EPHA3: variants seen among roughly 807,000 people sequenced by gnomAD.
EPHA3 encodes ephrin type-A receptor 3.
Under a neutral mutation model 107.1 loss-of-function variants are expected in EPHA3, and 42 were observed. The ratio of observed to expected loss-of-function variants is 0.39; its 90% confidence interval spans 0.31 to 0.51. The LOEUF is 0.51. Among genes scored for constraint, EPHA3 ranks in the 20% least tolerant of loss-of-function variants. The probability of loss-of-function intolerance (pLI) is 0.78; values close to 1 mark genes in which losing one functional copy is unlikely to be tolerated. For missense variants in EPHA3, 1,183 were observed against 1,211.2 expected (o/e 0.98, Z 0.35); for synonymous variants, 461 against 424.8 (o/e 1.09, Z -1.05).
chr3:89,192,396 A>G (rs1705740820), intron 2 of EPHA3, among the ~76,000 whole-genome samples: 1 of 152,116 alleles, frequency 6.6e-6, no homozygotes, highest in South Asian at 2.1e-4. Flanking sequence ...TCAAAATAGT[A>G]AGGCTAAGAT....
At chr3:89,168,237 A>G (rs1434713066) in intron 2 of EPHA3, among the ~76,000 whole-genome samples, 1 of 152,142 alleles carries the variant, frequency 6.6e-6, no homozygotes, top group Non-Finnish European at 1.5e-5. Context: ...AATTTGAAAT[A>G]ATTAGTGTAC....
At chr3:89,442,564 C>T (rs186767582) in intron 13 of EPHA3, among the ~76,000 whole-genome samples, 22 of 152,178 alleles carry the variant, frequency 1.4e-4, no homozygotes, top group Non-Finnish European at 2.2e-4. Context: ...TATCCTACAA[C>T]GCACAGGACA....
chr3:89,297,827 G>T (rs1052525811), intron 3 of EPHA3, among the ~76,000 whole-genome samples: 1 of 152,094 alleles, frequency 6.6e-6, no homozygotes, highest in Admixed American at 6.5e-5. Flanking sequence ...TTGAGGTCAG[G>T]GGTTTGAGAC....
intron 2 of EPHA3, among the ~76,000 whole-genome samples, chr3:89,167,927 T>C (rs1705113528): frequency 6.6e-6 from 1 of 152,038 alleles, no homozygotes; most frequent in Non-Finnish European, 1.5e-5. Context: ...TACACATATA[T>C]ACACACACAC....
rs116897345 is a variant in EPHA3, at chr3:89,353,585, G to A, written c.1306+11495G>A. On this transcript the variant is annotated intron_variant, in intron 5 of 16. Transcript: ENST00000336596. ...AGCTTCTTCCTGTTTTGAAATCAAGGCAGATACCTGTGCATCTGGGAATGT... is the reference window on the plus strand; with the variant it reads ...AGCTTCTTCCTGTTTTGAAATCAAGACAGATACCTGTGCATCTGGGAATGT... 6.6e-5 allele frequency among the ~76,000 whole-genome samples: 10 copies of A among 151,312 alleles called. No homozygotes were observed. The East Asian group carries it at 1.9e-3, about 29-fold the overall frequency.
At chr3:89,173,256 G>GT (rs2107102183) in intron 2 of EPHA3, among the ~76,000 whole-genome samples, 1 of 152,050 alleles carries the variant, frequency 6.6e-6, no homozygotes, top group South Asian at 2.1e-4. Flanking sequence ...CTTATAGAAT[G>GT]TTTTTTGTCA....
chr3:89,142,977 T>C (rs1490782778), intron 2 of EPHA3, among the ~76,000 whole-genome samples: 1 of 151,360 alleles, frequency 6.6e-6, no homozygotes, highest in African/African-American at 2.4e-5. Context: ...GGAAATCCTC[T>C]TTTAACCTTT....
intron 3 of EPHA3, among the ~76,000 whole-genome samples, chr3:89,328,097 CAAAAAAAGAAA>C (rs1416585126): frequency 6.6e-6 from 1 of 150,726 alleles, no homozygotes; most frequent in East Asian, 1.9e-4. Flanking sequence ...GACTCCATCT[CAAAAAAAGAAA>C]AAAAGAAAAA....
At chr3:89,331,525 TATAA>T (rs1707289870) in intron 3 of EPHA3, among the ~76,000 whole-genome samples, 1 of 152,200 alleles carries the variant, frequency 6.6e-6, no homozygotes, top group South Asian at 2.1e-4. Flanking sequence ...TTGCCAATTT[TATAA>T]ATAGTGTTGC....
At chr3:89,126,786 A>G (rs1241735954) in intron 1 of EPHA3, among the ~76,000 whole-genome samples, 2 of 151,712 alleles carry the variant, frequency 1.3e-5, no homozygotes, top group Admixed American at 1.3e-4. Flanking sequence ...AGATAAATTG[A>G]CTCATTCTGT....
chr3:89,127,984 T>C (rs1387776150), intron 2 of EPHA3, among the ~76,000 whole-genome samples: 5 of 151,948 alleles, frequency 3.3e-5, no homozygotes, highest in East Asian at 1.9e-4. Context: ...TTTCTCAAAC[T>C]CTTTTCCCTA....
chr3:89,190,576 A>G (rs1361843570), intron 2 of EPHA3, among the ~76,000 whole-genome samples: 1 of 152,248 alleles, frequency 6.6e-6, no homozygotes, highest in Non-Finnish European at 1.5e-5. Flanking sequence ...TGTGAAATCA[A>G]CATGTTGACA....
chr3:89,320,665 C>T (rs1707021606), intron 3 of EPHA3, among the ~76,000 whole-genome samples: 1 of 151,728 alleles, frequency 6.6e-6, no homozygotes. Flanking sequence ...TAATTATATG[C>T]CTATTTAGGA....
intron 3 of EPHA3, among the ~76,000 whole-genome samples, chr3:89,215,335 T>C (rs1357590380): frequency 6.6e-6 from 1 of 151,908 alleles, no homozygotes; most frequent in African/African-American, 2.4e-5. Context: ...TAAAAACTTA[T>C]TTTTTAATAT....
At chr3:89,344,007 AAC>A (rs1460035887) in intron 5 of EPHA3, among the ~76,000 whole-genome samples, 3 of 152,192 alleles carry the variant, frequency 2.0e-5, no homozygotes, top group Non-Finnish European at 4.4e-5. Flanking sequence ...ATCTTCAGCT[AAC>A]ACAGGAATTT....
In EPHA3 at chr3:89,136,330, C is replaced by CTTTTTTT. The variant is rs67054298; in HGVS notation, c.153+9075_153+9081dup. Among the ~76,000 whole-genome samples the CTTTTTTT allele has an allele frequency of 1.3e-3, 31 of 23,382 alleles. 6 individuals carry two copies. Among genetic ancestry groups the CTTTTTTT allele is most frequent in the Non-Finnish European group, 1.7e-3 (22 of 12,826 alleles). 15.3% of individuals were successfully genotyped at this position (23,382 alleles called of 152,430 possible). A position where few individuals can be genotyped will look rare whatever the true frequency, so the allele number is the denominator to read the frequency against. On this transcript the variant is annotated intron_variant, in intron 2 of 16. Transcript: ENST00000336596. Reference sequence around the variant, plus strand: ...GAAAAACATGGCAAAATCTTACAGGCTTTTTTTTTTTTTTTTTTTTTTTTG... The same window carrying CTTTTTTT: ...GAAAAACATGGCAAAATCTTACAGGCTTTTTTTTTTTTTTTTTTTTTTTTTTTTTTTG...
At position 89,332,243 on chromosome 3, in the gene EPHA3, C is replaced by T. The variant is rs1385093793; in HGVS notation, c.815-8673C>T. On this transcript the variant is annotated intron_variant, in intron 3 of 16. Coordinates refer to ENST00000336596, the MANE Select transcript of EPHA3 (RefSeq NM_005233.6). ...AAAAAGCTGGCAAAACACCACCATC[C>T]TCAGGACCAGAAGCTGTTTTAACAT... is the stretch of plus-strand genomic sequence containing the variant. Among the ~76,000 whole-genome samples the T allele has an allele frequency of 2.6e-5, 4 of 152,168 alleles. No individual in the cohort carries two copies. In the East Asian group the frequency reaches 7.7e-4, roughly 29 times the overall value.
chr3:89,193,578 G>A (rs1705768198), intron 2 of EPHA3, among the ~76,000 whole-genome samples: 1 of 151,628 alleles, frequency 6.6e-6, no homozygotes, highest in African/African-American at 2.4e-5. Context: ...CTAGAAGGAG[G>A]ATATTGAACA....
chr3:89,193,861 G>A (rs1391458538), intron 2 of EPHA3, among the ~76,000 whole-genome samples: 4 of 151,784 alleles, frequency 2.6e-5, no homozygotes, highest in Admixed American at 2.0e-4. Flanking sequence ...GAATAGTATT[G>A]AACCATTTTT....
Sources: gnomAD v4.1 joint callset for allele counts (sites outside exome capture counted in the v4.1 genomes callset) on GRCh38, gnomAD v4.1.1 for gene constraint, MANE v1.5 for transcripts, NCBI Gene and HGNC (gene_info 2026-07-23, HGNC 2026-07-21) for gene names.